The following PTK2 variants were observed in gnomAD, a reference collection of about 807,000 sequenced individuals.
PTK2 encodes focal adhesion kinase 1.
PTK2 carries 45 observed loss-of-function variants against 150.1 expected under a neutral mutation model. The ratio of observed to expected loss-of-function variants is 0.30; its 90% CI spans 0.24 to 0.38. PTK2 has a LOEUF of 0.38. Among genes scored for constraint, PTK2 ranks in the 10% least tolerant of loss-of-function variants. The probability of loss-of-function intolerance (pLI) is 1.00; values close to 1 mark genes in which losing one functional copy is unlikely to be tolerated. For missense variants in PTK2, 919 were observed against 1,307.3 expected (o/e 0.70, Z 4.58); for synonymous variants, 432 against 449.2 (o/e 0.96, Z 0.48).
At chr8:140,800,507 G>A in exon 12 of PTK2, 1 of 1,613,860 alleles carries the variant, frequency 6.2e-7, no homozygotes. Flanking sequence ...TTCACCAGCC[G>A]GCAGTACCCA....
intron 5 of PTK2, among the ~76,000 whole-genome samples, chr8:140,859,841 A>G (rs2100135010): frequency 6.9e-6 from 1 of 145,266 alleles, no homozygotes; most frequent in Admixed American, 7.5e-5. Flanking sequence ...CCCTTTCCCA[A>G]GTTGGGTGCT....
intron 2 of PTK2, among the ~76,000 whole-genome samples, chr8:140,904,215 T>A (rs559004519): frequency 6.6e-6 from 1 of 152,038 alleles, no homozygotes; most frequent in Non-Finnish European, 1.5e-5. Context: ...CATGAAGGGG[T>A]GTTGAATTTT....
chr8:140,760,181 C>T (rs972476526), intron 16 of PTK2, among the ~76,000 whole-genome samples: 2 of 151,974 alleles, frequency 1.3e-5, no homozygotes, highest in African/African-American at 4.8e-5. Flanking sequence ...GAGAAGACAC[C>T]ACTGCACTCC....
chr8:140,702,256 G>C lies in PTK2; in HGVS notation c.2367+314C>G, dbSNP rs561638127. On this transcript the variant is annotated intron_variant, in intron 25 of 31. Transcript: ENST00000522684. ...TTTTTTTGAGACAAGCTCTTGCTCT[G>C]TTGCCCAGGCTGGAGTGCAGTGGCA... Among the ~76,000 whole-genome samples, 4 of 116,484 alleles carry C rather than the reference G, an allele frequency of 3.4e-5. No individual in the cohort carries two copies. The South Asian group carries it at 1.1e-3, about 32-fold the overall frequency. The allele number at this position is 116,484 out of a possible 152,430, so 76.4% of individuals were successfully genotyped here. A position where few individuals can be genotyped will look rare whatever the true frequency, so the allele number is the denominator to read the frequency against.
intron 23 of PTK2, 85 bp downstream of exon 26, chr8:140,717,513 T>C: frequency 9.7e-7 from 1 of 1,035,582 alleles, no homozygotes. Flanking sequence ...TATTTGACTT[T>C]CTCCTCATAG....
intron 18 of PTK2, chr8:140,746,448 C>G (rs1262480687): frequency 4.2e-6 from 1 of 237,768 alleles, no homozygotes; most frequent in Non-Finnish European, 8.0e-6. Context: ...CCTCAGATCA[C>G]TGGGCTAGTT....
intron 1 of PTK2, among the ~76,000 whole-genome samples, chr8:140,997,977 C>T (rs1247567398): frequency 6.6e-6 from 1 of 152,208 alleles, no homozygotes. Context: ...AGACATGTTA[C>T]TGCACACTTA....
chr8:140,824,204 T>C (rs1463612546), intron 8 of PTK2, among the ~76,000 whole-genome samples: 1 of 152,196 alleles, frequency 6.6e-6, no homozygotes, highest in Non-Finnish European at 1.5e-5. Flanking sequence ...TCCAAGTAAC[T>C]GGGGCAAATG....
At chr8:140,754,462 C>A (rs947173560) in intron 16 of PTK2, among the ~76,000 whole-genome samples, 2 of 152,046 alleles carry the variant, frequency 1.3e-5, no homozygotes, top group Non-Finnish European at 2.9e-5. Context: ...AACAGGTATA[C>A]GAGAAAACTG....
In PTK2 at chr8:140,957,980, TATTTC is replaced by T. The variant is rs754325335; in HGVS notation, c.-121-32236_-121-32232del. Reference sequence around the variant, plus strand: ...AAGACAAATCCACAGTGATAGATTTTATTTCATTTATCTCTCATGAAATAGCAAAG... The same window carrying T: ...AAGACAAATCCACAGTGATAGATTTTATTTATCTCTCATGAAATAGCAAAG... On this transcript the variant is annotated intron_variant, in intron 1 of 31. Transcript: ENST00000522684. 5.3e-5 allele frequency among the ~76,000 whole-genome samples: 8 copies of T among 152,370 alleles called. No individual in the cohort carries two copies. In the East Asian group the frequency reaches 1.2e-3, roughly 22 times the overall value.
At chr8:140,950,182 A>G (rs1393168726) in intron 1 of PTK2, among the ~76,000 whole-genome samples, 1 of 152,102 alleles carries the variant, frequency 6.6e-6, no homozygotes, top group African/African-American at 2.4e-5. Context: ...AGAACTCGAG[A>G]CCTGCCAAAT....
At chr8:140,735,504 T>A in intron 21 of PTK2, 49 bp from the exon 25 acceptor site, 2 of 1,575,386 alleles carry the variant, frequency 1.3e-6, no homozygotes, top group African/African-American at 2.7e-5. Context: ...ATGAAGAATG[T>A]AACTCCCAGG....
intron 1 of PTK2, among the ~76,000 whole-genome samples, chr8:140,943,190 C>A (rs142554618): frequency 6.6e-6 from 1 of 152,184 alleles, no homozygotes; most frequent in African/African-American, 2.4e-5. Flanking sequence ...ACCACCACCA[C>A]GCTGAAGACA....
At chr8:140,719,931 C>T (rs1420123528) in intron 22 of PTK2, among the ~76,000 whole-genome samples, 2 of 137,250 alleles carry the variant, frequency 1.5e-5, no homozygotes, top group African/African-American at 5.7e-5. Context: ...ACAACAACAA[C>T]AACAACAACA....
exon 14 of PTK2, chr8:140,789,508 C>A (rs772684225): frequency 2.5e-6 from 4 of 1,613,306 alleles, no homozygotes; most frequent in South Asian, 1.1e-5. Context: ...GCATGCCTTG[C>A]TTTTCGCTGT....
At chr8:140,729,412 G>T (rs117065405) in intron 22 of PTK2, among the ~76,000 whole-genome samples, 3,167 of 152,180 alleles carry the variant, frequency 0.021, 44 homozygotes, top group Non-Finnish European at 0.03. Context: ...CTTCCAAATC[G>T]GCTCCCCACT....
Position 140,895,545 on chromosome 8 carries a change from G to C in PTK2, c.-32-4776C>G, listed in dbSNP as rs140081776. ...TCCTTTAAAAAAAAAAAAAAATTAC[G>C]TATTTAAATTCATGTATTAGAAGCG... On this transcript the variant is annotated intron_variant, in intron 2 of 31. Transcript: ENST00000522684. Among the ~76,000 whole-genome samples, 1,155 of 151,196 alleles carry C rather than the reference G, an allele frequency of 7.6e-3. 64 individuals are homozygous for C. Among genetic ancestry groups the C allele is most frequent in the East Asian group, 0.058 (297 of 5,138 alleles).
intron 23 of PTK2, among the ~76,000 whole-genome samples, chr8:140,708,739 T>C (rs1316558424): frequency 6.6e-6 from 1 of 152,174 alleles, no homozygotes; most frequent in Non-Finnish European, 1.5e-5. Context: ...AAGTGTGTTC[T>C]ACAAAGTGGT....
intron 22 of PTK2, among the ~76,000 whole-genome samples, chr8:140,719,364 C>T (rs13257090): frequency 0.35 from 52,918 of 152,078 alleles, 11,263 homozygotes; most frequent in Non-Finnish European, 0.48. Context: ...AGGCAAGATG[C>T]TCACTGGGTG....
Sources: allele counts gnomAD v4.1 joint callset (sites outside exome capture counted in the v4.1 genomes callset), GRCh38; gene constraint gnomAD v4.1.1; transcripts MANE v1.5; gene names NCBI Gene and HGNC (gene_info 2026-07-23, HGNC 2026-07-21).